The following SYCE3 variants were observed in gnomAD, a reference collection of about 807,000 sequenced individuals.
The protein encoded by SYCE3 is synaptonemal complex central element protein 3.
In SYCE3, 3 loss-of-function variants were observed where a neutral mutation model predicts 8.1. The ratio of observed to expected loss-of-function variants is 0.37; its 90% CI spans 0.17 to 0.96. SYCE3 has a LOEUF of 0.96. Among genes scored for constraint, SYCE3 ranks in the 40% least tolerant of loss-of-function variants. SYCE3 has a pLI of 0.41. For synonymous variants in SYCE3, 36 were observed against 38.7 expected (o/e 0.93, Z 0.26); for missense variants, 83 against 110.0 (o/e 0.75, Z 1.10).
chr22:50,558,412 CAA>C (rs962537159), intron 1 of SYCE3, among the ~76,000 whole-genome samples: 2 of 150,156 alleles, frequency 1.3e-5, no homozygotes, highest in Non-Finnish European at 3.0e-5. Context: ...GTCTGGGTGA[CAA>C]GAGCGAAACT....
chr22:50,561,297 C>T (rs549320546), intron 1 of SYCE3, among the ~76,000 whole-genome samples: 1 of 151,886 alleles, frequency 6.6e-6, no homozygotes, highest in Non-Finnish European at 1.5e-5. Context: ...GAGGCTGGGC[C>T]GGAGTGGCAC....
chr22:50,551,807 C>T (rs1394718839), intron 2 of SYCE3, among the ~76,000 whole-genome samples: 1 of 152,200 alleles, frequency 6.6e-6, no homozygotes, highest in Non-Finnish European at 1.5e-5. Flanking sequence ...TGATTGTTTC[C>T]AGTCCTGCAA....
chr22:50,556,446 A>G (rs1417165851), intron 1 of SYCE3, 41 bp from the exon 2 acceptor site: 12 of 1,392,618 alleles, frequency 8.6e-6, no homozygotes, highest in Non-Finnish European at 1.2e-5. Context: ...AGACAGACCT[A>G]CATTTCAAAT....
chr22:50,554,974 T>C (rs2069845132), intron 2 of SYCE3, among the ~76,000 whole-genome samples: 1 of 150,630 alleles, frequency 6.6e-6, no homozygotes, highest in Non-Finnish European at 1.5e-5. Flanking sequence ...TACAAAAAAT[T>C]AGCCAGGCGT....
chr22:50,558,916 T>G (rs1478824255), intron 1 of SYCE3, among the ~76,000 whole-genome samples: 2 of 152,178 alleles, frequency 1.3e-5, no homozygotes, highest in Non-Finnish European at 2.9e-5. Flanking sequence ...CAGGGCACTT[T>G]CTGTCTTTCT....
intron 1 of SYCE3, among the ~76,000 whole-genome samples, chr22:50,559,877 G>A (rs761193620): frequency 1.8e-4 from 28 of 152,094 alleles, no homozygotes; most frequent in Non-Finnish European, 3.8e-4. Flanking sequence ...GCAGTGAGCC[G>A]AGATCATGCC....
Position 50,552,239 on chromosome 22 carries a change from C to T in SYCE3, c.110-837G>A, listed in dbSNP as rs192257731. Reference sequence around the variant, plus strand: ...TCCTCACAAGCATCCCAGATCGTTCCGGTGCAGGGAGGCCGCAGACTACCT... The same window carrying T: ...TCCTCACAAGCATCCCAGATCGTTCTGGTGCAGGGAGGCCGCAGACTACCT... On this transcript the variant is annotated intron_variant, in intron 2 of 2. Coordinates refer to ENST00000406915, the MANE Select transcript of SYCE3 (RefSeq NM_001123225.3). Among the ~76,000 whole-genome samples the T allele has an allele frequency of 9.2e-5, 14 of 152,296 alleles. No homozygotes were observed. The East Asian group carries it at 1.2e-3, about 13-fold the overall frequency.
chr22:50,553,202 A>AAAATAAAT (rs368358510), intron 2 of SYCE3, among the ~76,000 whole-genome samples: 2,547 of 151,540 alleles, frequency 0.017, 73 homozygotes, highest in African/African-American at 0.059. Flanking sequence ...ACCCTGTCTC[A>AAAATAAAT]AAATAAATAA....
At chr22:50,558,480 C>G (rs1002640905) in intron 1 of SYCE3, among the ~76,000 whole-genome samples, 4 of 152,010 alleles carry the variant, frequency 2.6e-5, no homozygotes, top group Admixed American at 2.0e-4. Flanking sequence ...TTGCCGTCCT[C>G]CCTGTTAAGG....
chr22:50,559,664 G>C (rs6009930), intron 1 of SYCE3, among the ~76,000 whole-genome samples: 12,756 of 152,120 alleles, frequency 0.084, 1,189 homozygotes, highest in African/African-American at 0.23. Context: ...GGCTTAGTCG[G>C]TCATGCCTGT....
chr22:50,558,354 C>G (rs1300902786), intron 1 of SYCE3, among the ~76,000 whole-genome samples: 1 of 151,988 alleles, frequency 6.6e-6, no homozygotes, highest in African/African-American at 2.4e-5. Flanking sequence ...TCGCTTGAAC[C>G]CGGGAGGTGG....
intron 2 of SYCE3, among the ~76,000 whole-genome samples, chr22:50,554,811 G>A (rs1250221780): frequency 1.3e-5 from 2 of 150,884 alleles, no homozygotes; most frequent in Non-Finnish European, 2.9e-5. Context: ...TGGCCAACAT[G>A]GTGAAACCCT....
intron 1 of SYCE3, among the ~76,000 whole-genome samples, chr22:50,561,631 T>C (rs28711204): frequency 0.057 from 8,670 of 151,750 alleles, 443 homozygotes; most frequent in African/African-American, 0.13. Context: ...AGTCAGAGCC[T>C]AGAGTCTGGT....
chr22:50,558,237 A>T (rs1654581854), intron 1 of SYCE3, among the ~76,000 whole-genome samples: 1 of 152,142 alleles, frequency 6.6e-6, no homozygotes, highest in South Asian at 2.1e-4. Flanking sequence ...CAGCCTGGCC[A>T]ACATGGTGAA....
intron 1 of SYCE3, among the ~76,000 whole-genome samples, chr22:50,561,394 A>G (rs1393523235): frequency 6.6e-6 from 1 of 151,984 alleles, no homozygotes; most frequent in East Asian, 1.9e-4. Flanking sequence ...ACAGGATTAG[A>G]ATTCACGGCA....
intron 2 of SYCE3, among the ~76,000 whole-genome samples, chr22:50,555,276 G>C (rs2069849081): frequency 6.6e-6 from 1 of 152,158 alleles, no homozygotes; most frequent in South Asian, 2.1e-4. Context: ...GCTATTCATA[G>C]TTCAAAAGTA....
At chr22:50,557,135 A>C (rs529455055) in intron 1 of SYCE3, among the ~76,000 whole-genome samples, 71 of 149,626 alleles carry the variant, frequency 4.7e-4, no homozygotes, top group Admixed American at 1.3e-3. Flanking sequence ...TCTTCTCGAC[A>C]AATTTTTGGT....
intron 1 of SYCE3, among the ~76,000 whole-genome samples, chr22:50,557,417 A>T (rs900919586): frequency 3.2e-4 from 48 of 152,182 alleles, no homozygotes; most frequent in African/African-American, 1.1e-3. Flanking sequence ...CGGCCTCCCA[A>T]AGTGCTGAGA....
chr22:50,561,535 G>C (rs114526001), intron 1 of SYCE3, among the ~76,000 whole-genome samples: 26 of 144,244 alleles, frequency 1.8e-4, no homozygotes, highest in Middle Eastern at 3.3e-3. Context: ...AGCGTGGGGC[G>C]GGAGGAGTGT....
Sources: allele counts gnomAD v4.1 joint callset (sites outside exome capture counted in the v4.1 genomes callset), GRCh38; gene constraint gnomAD v4.1.1; transcripts MANE v1.5; gene names NCBI Gene and HGNC (gene_info 2026-07-23, HGNC 2026-07-21).